The following SLC27A2 variants were observed in gnomAD, a reference collection of about 807,000 sequenced individuals.
SLC27A2 encodes the protein long-chain fatty acid transport protein 2.
In SLC27A2, 54 loss-of-function variants were observed where a neutral mutation model predicts 60.0. The observed-to-expected ratio is 0.90, with a 90% CI of 0.72 to 1.13. SLC27A2 has a LOEUF of 1.13. Among genes scored for constraint, SLC27A2 ranks in the 50% most tolerant of loss-of-function variants. The pLI is 0.00. For missense variants in SLC27A2, 739 were observed against 777.6 expected (o/e 0.95, Z 0.59); for synonymous variants, 297 against 297.6 (o/e 1.00, Z 0.02).
intron 8 of SLC27A2, among the ~76,000 whole-genome samples, chr15:50,230,144 G>A (rs2140914489): frequency 6.6e-6 from 1 of 150,602 alleles, no homozygotes; most frequent in Admixed American, 6.7e-5. Context: ...TGAGGCAGGA[G>A]AATCGCTTGA....
At chr15:50,233,612 G>T (rs2045330008) in intron 8 of SLC27A2, among the ~76,000 whole-genome samples, 1 of 152,212 alleles carries the variant, frequency 6.6e-6, no homozygotes, top group Admixed American at 6.5e-5. Context: ...GAAGGTTGTT[G>T]TGAGGATTAA....
chr15:50,185,067 C>T (rs2044909904), intron 1 of SLC27A2, among the ~76,000 whole-genome samples: 1 of 152,192 alleles, frequency 6.6e-6, no homozygotes, highest in African/African-American at 2.4e-5. Context: ...TTCTGTTTAT[C>T]ACTTTAGTAT....
At chr15:50,207,126 G>C (rs2045119285) in intron 4 of SLC27A2, among the ~76,000 whole-genome samples, 1 of 152,096 alleles carries the variant, frequency 6.6e-6, no homozygotes, top group African/African-American at 2.4e-5. Context: ...CTCCTGGGGA[G>C]TGTGTGTTGT....
chr15:50,226,818 A>AAT (rs1595692342), intron 6 of SLC27A2, among the ~76,000 whole-genome samples, 162 bp from the exon 7 acceptor site: 2 of 152,326 alleles, frequency 1.3e-5, no homozygotes, highest in East Asian at 3.9e-4. Flanking sequence ...GTGTGTCTGT[A>AAT]ATATATATGT....
At chr15:50,190,443 G>C (rs964404978) in intron 1 of SLC27A2, among the ~76,000 whole-genome samples, 1 of 152,094 alleles carries the variant, frequency 6.6e-6, no homozygotes, top group Non-Finnish European at 1.5e-5. Flanking sequence ...ATTCACTGAG[G>C]CAGTCTAGTA....
chr15:50,184,941 C>T (rs1365505), intron 1 of SLC27A2, among the ~76,000 whole-genome samples: 92,495 of 152,122 alleles, frequency 0.61, 29,451 homozygotes, highest in East Asian at 0.81. Context: ...CTGAGAAAAG[C>T]GATAACTTCA....
At chr15:50,203,013 T>A (rs1387678349) in intron 3 of SLC27A2, among the ~76,000 whole-genome samples, 1 of 133,106 alleles carries the variant, frequency 7.5e-6, no homozygotes, top group Non-Finnish European at 1.6e-5. Flanking sequence ...ACCTCATCTC[T>A]AAAAAAAATA....
chr15:50,224,167 G>A (rs572871137), intron 5 of SLC27A2, among the ~76,000 whole-genome samples: 2 of 152,342 alleles, frequency 1.3e-5, no homozygotes, highest in East Asian at 1.9e-4. Flanking sequence ...ACAGCCAGGC[G>A]CAGCGGCTCA....
intron 4 of SLC27A2, among the ~76,000 whole-genome samples, chr15:50,206,829 G>T (rs1478262281): frequency 6.6e-6 from 1 of 152,186 alleles, no homozygotes; most frequent in East Asian, 1.9e-4. Flanking sequence ...GTGTAGTTGA[G>T]TTGAGGGAGC....
chr15:50,225,195 C>T (rs1292634692), intron 5 of SLC27A2, among the ~76,000 whole-genome samples: 1 of 152,046 alleles, frequency 6.6e-6, no homozygotes, highest in Non-Finnish European at 1.5e-5. Flanking sequence ...ATCACATAGA[C>T]TTGAATATAA....
intron 1 of SLC27A2, among the ~76,000 whole-genome samples, chr15:50,184,012 T>TTTTTTTTTTTTTTA: frequency 7.0e-6 from 1 of 143,360 alleles, no homozygotes; most frequent in Non-Finnish European, 1.5e-5. Flanking sequence ...TTTTTTTTTT[T>TTTTTTTTTTTTTTA]GACAGTCTCG....
chr15:50,222,285 G>A (rs1269248170), intron 4 of SLC27A2, among the ~76,000 whole-genome samples: 1 of 152,094 alleles, frequency 6.6e-6, no homozygotes, highest in African/African-American at 2.4e-5. Flanking sequence ...TTGTTGTCTC[G>A]GTTCAGCTCT....
At position 50,182,321 on chromosome 15, in the gene SLC27A2, G is replaced by A. The variant is rs2044860236; in HGVS notation, c.-107G>A. ...ACGCGAGCCCGGCGTCCCGCCGCGT[G>A]CGCCCCGGCGCAGCCCGCCAGTCCG... On this transcript the variant is annotated 5_prime_UTR_variant, in exon 1 of 10. Transcript: ENST00000267842. 7.5e-7 allele frequency: 1 copy of A among 1,329,528 alleles called. No individual in the cohort carries two copies. The highest frequency in any genetic ancestry group is 3.1e-5 in the East Asian group (1 of 32,168). 82.4% of individuals were successfully genotyped at this position (1,329,528 alleles called of 1,614,324 possible).
intron 4 of SLC27A2, among the ~76,000 whole-genome samples, chr15:50,219,014 T>C (rs1287873973): frequency 1.3e-5 from 2 of 152,196 alleles, no homozygotes; most frequent in African/African-American, 4.8e-5. Context: ...AGAAAGGCAA[T>C]TAATTCCAGG....
At chr15:50,232,606 A>T (rs2045323487) in intron 8 of SLC27A2, among the ~76,000 whole-genome samples, 2 of 152,156 alleles carry the variant, frequency 1.3e-5, no homozygotes, top group South Asian at 4.2e-4. Flanking sequence ...CTGAGACCTG[A>T]CAGGCCCATT....
intron 2 of SLC27A2, among the ~76,000 whole-genome samples, chr15:50,198,858 T>C (rs1262286876): frequency 6.6e-6 from 1 of 152,088 alleles, no homozygotes; most frequent in Non-Finnish European, 1.5e-5. Context: ...ACAGGAACTG[T>C]CTCCTTCACC....
chr15:50,224,690 A>G (rs1567436962), intron 5 of SLC27A2, among the ~76,000 whole-genome samples: 1 of 152,230 alleles, frequency 6.6e-6, no homozygotes, highest in Non-Finnish European at 1.5e-5. Context: ...CACTAGCTAC[A>G]TGTGGCTACT....
chr15:50,231,140 A>C (rs1239066842), intron 8 of SLC27A2, among the ~76,000 whole-genome samples: 2 of 140,620 alleles, frequency 1.4e-5, no homozygotes, highest in East Asian at 2.1e-4. Flanking sequence ...TGAATTGTAC[A>C]CTTTTTTTTT....
chr15:50,214,869 G>C (rs146098106), intron 4 of SLC27A2, among the ~76,000 whole-genome samples: 1 of 152,136 alleles, frequency 6.6e-6, no homozygotes, highest in East Asian at 1.9e-4. Flanking sequence ...TACTGAATGG[G>C]GAAAAGTTGA....
Sources: gnomAD v4.1 joint callset for allele counts (sites outside exome capture counted in the v4.1 genomes callset) on GRCh38, gnomAD v4.1.1 for gene constraint, MANE v1.5 for transcripts, NCBI Gene and HGNC (gene_info 2026-07-23, HGNC 2026-07-21) for gene names.